Variants in BST1 observed in about 807,000 individuals in gnomAD.
BST1 encodes bone marrow stromal cell antigen 1.
BST1 carries 49 observed loss-of-function variants against 40.6 expected under a neutral mutation model. The observed-to-expected ratio is 1.21, with a 90% CI of 0.96 to 1.53. The LOEUF (loss-of-function observed/expected upper bound fraction) is 1.53. BST1 is among the 40% of genes most tolerant of loss of function. The pLI, the probability that BST1 is intolerant of heterozygous loss-of-function variation, is 0.00. For missense variants in BST1, 423 were observed against 395.9 expected (o/e 1.07, Z -0.58); for synonymous variants, 157 against 159.3 (o/e 0.99, Z 0.11).
At chr4:15,750,691 G>A in the BST1 span, among the ~76,000 whole-genome samples, 3 of 152,226 alleles carry the variant, frequency 2.0e-5, no homozygotes, top group African/African-American at 7.2e-5. Flanking sequence ...AAAGATAAAA[G>A]AATATAAAAT....
At chr4:15,736,963 G>T (rs571142585), downstream of BST1, among the ~76,000 whole-genome samples, 1 of 152,310 alleles carries the variant, frequency 6.6e-6, no homozygotes, top group East Asian at 1.9e-4. Flanking sequence ...TGGGGAGGCA[G>T]CCTAACATTG....
In BST1 at chr4:15,718,990, A is replaced by G; in HGVS notation, c.788A>G (p.Tyr263Cys). ...TTCCAGTACAGCTGTATTAATGATT[A>G]CCGGTAGGTGGCCTATATATCAATG... Reference protein sequence around the residue: ...MGFQYSCINDYRPVKLLQCVD... With the variant: ...MGFQYSCINDCRPVKLLQCVD... Residue 263 changes from tyrosine (Y) to cysteine (C), a missense_variant, in exon 7 of 9, where the codon TAC (tyrosine) becomes TGC (cysteine). Physicochemically the swap from Tyr to Cys is radical, Grantham distance 194. Coordinates refer to ENST00000265016, the MANE Select transcript of BST1 (RefSeq NM_004334.3). 2 of 1,613,256 alleles carry G rather than the reference A, an allele frequency of 1.2e-6. No homozygotes were observed. Among genetic ancestry groups the G allele is most frequent in the Non-Finnish European group, 1.7e-6 (2 of 1,179,622 alleles).
chr4:15,766,270 T>G, the BST1 span, among the ~76,000 whole-genome samples: 1 of 151,942 alleles, frequency 6.6e-6, no homozygotes, highest in Non-Finnish European at 1.5e-5. Flanking sequence ...AAAAGATGTC[T>G]CAGATTTGGA....
chr4:15,742,159 T>C (rs1186288359), downstream of BST1, among the ~76,000 whole-genome samples: 1 of 152,252 alleles, frequency 6.6e-6, no homozygotes, highest in African/African-American at 2.4e-5. Context: ...AAGTTTGCTA[T>C]GGTTTGAATG....
chr4:15,771,923 G>A, the BST1 span, among the ~76,000 whole-genome samples: 10 of 152,082 alleles, frequency 6.6e-5, no homozygotes, highest in Non-Finnish European at 1.3e-4. Context: ...GGTGTTTAAT[G>A]TCTTCAACAT....
the BST1 span, among the ~76,000 whole-genome samples, chr4:15,772,933 C>G: frequency 6.6e-6 from 1 of 152,098 alleles, no homozygotes; most frequent in East Asian, 1.9e-4. Flanking sequence ...CAGACGTGGG[C>G]CAACAGACAG....
rs958935555 is a variant in BST1, at chr4:15,731,793, C to T, written c.905C>T (p.Ala302Val). The change falls in exon 9 of 9, where the codon GCG becomes GTG. Residue 302 changes from alanine to valine, a missense_variant. By Grantham distance (64) the Ala-to-Val change is moderately conservative. Coordinates refer to ENST00000265016, the MANE Select transcript of BST1 (RefSeq NM_004334.3). ...KAPSLYTEQR[A>V]GLIIPLFLVL... is the part of the protein sequence containing the mutation. Reference sequence around the variant, plus strand: ...CCAAGTCTTTATACAGAACAAAGGGCGGGTCTTATCATTCCCCTCTTTCTG... The same window carrying T: ...CCAAGTCTTTATACAGAACAAAGGGTGGGTCTTATCATTCCCCTCTTTCTG... The T allele has an allele frequency of 1.9e-6, 3 of 1,613,772 alleles. No homozygotes were observed. The highest frequency in any genetic ancestry group is 1.7e-5 in the Admixed American group (1 of 59,960).
At chr4:15,757,959 A>T in the BST1 span, among the ~76,000 whole-genome samples, 1 of 152,138 alleles carries the variant, frequency 6.6e-6, no homozygotes, top group African/African-American at 2.4e-5. Flanking sequence ...CTTAAACATT[A>T]AATGTCTAAT....
chr4:15,753,730 A>C, the BST1 span, among the ~76,000 whole-genome samples: 1 of 152,256 alleles, frequency 6.6e-6, no homozygotes, highest in Admixed American at 6.5e-5. Context: ...GTCAGGGCCC[A>C]TCCAGACACA....
rs147925264 is a variant in BST1 at position 15,710,943 on chromosome 4, C to T, written c.452-864C>T. Among the ~76,000 whole-genome samples the T allele has an allele frequency of 3.3e-5, 5 of 152,058 alleles. No individual in the cohort carries two copies. In the South Asian group the frequency reaches 1.0e-3, roughly 32 times the overall value. ...TAGCTGGGACTACAGATGCGTGCCACCATACCCGGCTAATTTTTGTATTTT... is the reference window on the plus strand; with the variant it reads ...TAGCTGGGACTACAGATGCGTGCCATCATACCCGGCTAATTTTTGTATTTT... On this transcript the variant is annotated intron_variant, in intron 3 of 8. Transcript: ENST00000265016.
chr4:15,708,214 T>G (rs1480344912), intron 3 of BST1, among the ~76,000 whole-genome samples: 1 of 152,162 alleles, frequency 6.6e-6, no homozygotes, highest in East Asian at 1.9e-4. Flanking sequence ...CTGAAGCCTG[T>G]GCTCTGTAAC....
At chr4:15,749,437 T>C in the BST1 span, among the ~76,000 whole-genome samples, 2 of 152,212 alleles carry the variant, frequency 1.3e-5, no homozygotes, top group Non-Finnish European at 2.9e-5. Flanking sequence ...GGATCTTTTC[T>C]AGGATCCTTT....
At chr4:15,729,448 C>T (rs908530185) in intron 8 of BST1, among the ~76,000 whole-genome samples, 1 of 151,990 alleles carries the variant, frequency 6.6e-6, no homozygotes. Flanking sequence ...CAGAATGAGA[C>T]CCTGTCTCAA....
chr4:15,755,197 A>G, the BST1 span, among the ~76,000 whole-genome samples: 2 of 152,152 alleles, frequency 1.3e-5, no homozygotes, highest in Admixed American at 6.5e-5. Context: ...GGAGTGCAGT[A>G]GTGCAATCTC....
chr4:15,761,935 C>T, the BST1 span, among the ~76,000 whole-genome samples: 2 of 151,792 alleles, frequency 1.3e-5, no homozygotes, highest in Admixed American at 1.3e-4. Context: ...CGCGGTGGCT[C>T]ATGCCTGTAA....
At chr4:15,734,028 G>T (rs1463530041), downstream of BST1, among the ~76,000 whole-genome samples, 1 of 152,162 alleles carries the variant, frequency 6.6e-6, no homozygotes. Context: ...AGCAATAAAG[G>T]TAACTACCTT....
At chr4:15,767,391 C>T in the BST1 span, among the ~76,000 whole-genome samples, 6 of 151,906 alleles carry the variant, frequency 3.9e-5, no homozygotes, top group African/African-American at 1.5e-4. Context: ...GCAAACTCCA[C>T]CTCTCGGGTT....
the BST1 span, among the ~76,000 whole-genome samples, chr4:15,759,687 C>T: frequency 1.4e-5 from 2 of 145,414 alleles, no homozygotes; most frequent in African/African-American, 2.6e-5. Context: ...AAACCATTTT[C>T]CCTGTTTCTG....
chr4:15,728,752 TC>T (rs1320261195), intron 8 of BST1, among the ~76,000 whole-genome samples: 1 of 151,718 alleles, frequency 6.6e-6, no homozygotes. Flanking sequence ...CTCAAGTGAT[TC>T]TCCTGCCTCA....
Sources: allele counts gnomAD v4.1 joint callset (sites outside exome capture counted in the v4.1 genomes callset), GRCh38; gene constraint gnomAD v4.1.1; transcripts MANE v1.5; gene names NCBI Gene and HGNC (gene_info 2026-07-23, HGNC 2026-07-21).